ATP10A: variants seen among roughly 807,000 people sequenced by gnomAD.
The protein encoded by ATP10A is ATPase phospholipid transporting 10A (putative).
ATP10A carries 111 observed loss-of-function variants against 147.8 expected under a neutral mutation model. That is an observed-to-expected ratio of 0.75 (90% confidence interval 0.64 to 0.88). ATP10A has a LOEUF of 0.88. ATP10A is among the 40% of genes least tolerant of loss of function. The pLI is 0.00. For synonymous variants in ATP10A, 875 were observed against 841.6 expected (o/e 1.04, Z -0.69); for missense variants, 1,927 against 1,959.0 (o/e 0.98, Z 0.31).
chr15:25,731,260 C>T (rs554972455), intron 3 of ATP10A, among the ~76,000 whole-genome samples: 18 of 152,158 alleles, frequency 1.2e-4, no homozygotes, highest in African/African-American at 3.6e-4. Context: ...TACTTGTATC[C>T]GACAAAATAG....
chr15:25,702,744 C>A (rs1415869491), intron 12 of ATP10A, among the ~76,000 whole-genome samples: 1 of 151,832 alleles, frequency 6.6e-6, no homozygotes, highest in African/African-American at 2.4e-5. Flanking sequence ...GTGCTTAGGC[C>A]TGCCTCAGAT....
chr15:25,816,133 T>C (rs896245299), intron 1 of ATP10A, among the ~76,000 whole-genome samples: 3 of 151,884 alleles, frequency 2.0e-5, no homozygotes, highest in African/African-American at 7.3e-5. Flanking sequence ...ACTTAGAATT[T>C]AAAATATTTT....
chr15:25,698,629 A>G (rs1177992731), intron 13 of ATP10A, among the ~76,000 whole-genome samples: 1 of 152,196 alleles, frequency 6.6e-6, no homozygotes, highest in Non-Finnish European at 1.5e-5. Context: ...CCTAACCCCT[A>G]CGTGTTCAAG....
intron 1 of ATP10A, among the ~76,000 whole-genome samples, chr15:25,819,567 A>G (rs1315406103): frequency 1.4e-5 from 2 of 147,580 alleles, no homozygotes; most frequent in African/African-American, 5.2e-5. Context: ...CAATCCCACG[A>G]TAGGGTATGT....
At chr15:25,854,570 G>A (rs1893426809) in intron 1 of ATP10A, among the ~76,000 whole-genome samples, 1 of 152,196 alleles carries the variant, frequency 6.6e-6, no homozygotes, top group Admixed American at 6.5e-5. Flanking sequence ...TTCCTAGAAA[G>A]ATACAACTAT....
At chr15:25,805,136 A>T (rs1232393109) in intron 1 of ATP10A, among the ~76,000 whole-genome samples, 1 of 152,208 alleles carries the variant, frequency 6.6e-6, no homozygotes, top group Non-Finnish European at 1.5e-5. Context: ...CCGGCAGCCT[A>T]TGGGACCCCT....
intron 2 of ATP10A, 74 bp from the exon 3 acceptor site, chr15:25,736,215 T>C (rs565310803): frequency 7.8e-6 from 10 of 1,278,318 alleles, no homozygotes; most frequent in Middle Eastern, 2.6e-4. Flanking sequence ...CTCGCTTTTC[T>C]GTCTCGCATC....
chr15:25,776,051 C>T lies in ATP10A; in HGVS notation c.654+4968G>A, dbSNP rs182814589. Among the ~76,000 whole-genome samples, 169 of 152,290 alleles carry T rather than the reference C, an allele frequency of 1.1e-3. 1 individual carries two copies. Among genetic ancestry groups the T allele is most frequent in the African/African-American group, 3.9e-3 (161 of 41,568 alleles). ...TTGATCAATGCACCTCCTAGAATGG[C>T]GTTAGAAACATAATAAATGCTCAGT... is the stretch of plus-strand genomic sequence containing the variant. On this transcript the variant is annotated intron_variant, in intron 2 of 20. Transcript: ENST00000555815.
intron 1 of ATP10A, among the ~76,000 whole-genome samples, chr15:25,786,872 T>C (rs1371605604): frequency 1.3e-5 from 2 of 151,134 alleles, no homozygotes; most frequent in African/African-American, 4.9e-5. Flanking sequence ...CCTGACCTCA[T>C]GATCTGCCCG....
intron 1 of ATP10A, among the ~76,000 whole-genome samples, chr15:25,801,726 C>T (rs1890948762): frequency 6.6e-6 from 1 of 152,240 alleles, no homozygotes; most frequent in South Asian, 2.1e-4. Context: ...CTGGCCTGCT[C>T]TGGCTTTGCT....
chr15:25,783,110 A>G (rs1383595709), intron 1 of ATP10A, among the ~76,000 whole-genome samples: 2 of 152,200 alleles, frequency 1.3e-5, no homozygotes, highest in East Asian at 3.9e-4. Flanking sequence ...CAGGAGATCA[A>G]GGCTGCAGTG....
chr15:25,735,944 C>A, intron 3 of ATP10A, 112 bp downstream of exon 3: 1 of 981,914 alleles, frequency 1.0e-6, no homozygotes, highest in Non-Finnish European at 1.6e-6. Flanking sequence ...CAAACAGCTA[C>A]ACCATGTGGC....
At chr15:25,716,953 C>T in intron 8 of ATP10A, 29 bp from the exon 9 acceptor site, 1 of 1,519,970 alleles carries the variant, frequency 6.6e-7, no homozygotes, top group Non-Finnish European at 8.8e-7. Context: ...GGCAGTGAGT[C>T]CCACCCAGTA....
chr15:25,764,862 G>C (rs1340135664), intron 2 of ATP10A, among the ~76,000 whole-genome samples: 3 of 152,200 alleles, frequency 2.0e-5, no homozygotes, highest in Non-Finnish European at 4.4e-5. Context: ...GCTCCGGCCT[G>C]CTAATGGCAG....
intron 1 of ATP10A, among the ~76,000 whole-genome samples, chr15:25,839,927 G>T (rs989584288): frequency 6.6e-6 from 1 of 152,082 alleles, no homozygotes; most frequent in Admixed American, 6.5e-5. Context: ...ATTCGTGTGC[G>T]TGTGTGTGCG....
intron 12 of ATP10A, among the ~76,000 whole-genome samples, chr15:25,703,593 C>G (rs1358860425): frequency 6.6e-6 from 1 of 152,072 alleles, no homozygotes; most frequent in Non-Finnish European, 1.5e-5. Context: ...ACTAAGCCAC[C>G]CTTACCCCTT....
At chr15:25,692,666 C>G (rs991546132) in intron 14 of ATP10A, among the ~76,000 whole-genome samples, 1 of 152,192 alleles carries the variant, frequency 6.6e-6, no homozygotes, top group African/African-American at 2.4e-5. Flanking sequence ...ATCTGTACAG[C>G]TTTCCCCAGA....
At position 25,681,010 on chromosome 15, in the gene ATP10A, A is replaced by G; in HGVS notation, c.3557T>C (p.Phe1186Ser). 1 of 1,614,160 alleles carries G rather than the reference A, an allele frequency of 6.2e-7. No individual in the cohort carries two copies. The highest frequency in any genetic ancestry group is 8.5e-7 in the Non-Finnish European group (1 of 1,180,020). Residue 1186 changes from phenylalanine (F) to serine (S), a missense_variant, in exon 18 of 21, where the codon TTT (phenylalanine) becomes TCT (serine). By Grantham distance (155) the Phe-to-Ser change is radical. Transcript: ENST00000555815. ...CCAACTTACCAGGTAAGGAATGGAA[A>G]AGCAAACCAGGCTCTGGAAGGCGGC... ...ADAAFQSLVCFSIPYLAYYDS... is the reference protein window; with the variant it reads ...ADAAFQSLVCSSIPYLAYYDS...
chr15:25,692,794 T>C (rs889014777), intron 14 of ATP10A, among the ~76,000 whole-genome samples: 1 of 152,140 alleles, frequency 6.6e-6, no homozygotes, highest in East Asian at 1.9e-4. Context: ...ACGCATTCTT[T>C]CTTTCTTTCT....
Sources: allele counts gnomAD v4.1 joint callset (sites outside exome capture counted in the v4.1 genomes callset), GRCh38; gene constraint gnomAD v4.1.1; transcripts MANE v1.5; gene names NCBI Gene and HGNC (gene_info 2026-07-23, HGNC 2026-07-21).